Variants in OXR1 observed in about 807,000 individuals in gnomAD.
OXR1 encodes the protein oxidation resistance protein 1.
OXR1 carries 41 observed loss-of-function variants against 104.6 expected under a neutral mutation model. The ratio of observed to expected loss-of-function variants is 0.39; its 90% CI spans 0.31 to 0.51. The LOEUF is 0.51. Among genes scored for constraint, OXR1 ranks in the 20% least tolerant of loss-of-function variants. The probability of loss-of-function intolerance (pLI) is 0.77; values close to 1 mark genes in which losing one functional copy is unlikely to be tolerated. For synonymous variants in OXR1, 348 were observed against 348.4 expected, an observed-to-expected ratio of 1.00 and a Z score of 0.01; for missense variants, 955 against 1,031.9, an observed-to-expected ratio of 0.93 and a Z score of 1.02.
intron 2 of OXR1, among the ~76,000 whole-genome samples, chr8:106,501,047 A>C (rs1310614213): frequency 6.6e-6 from 1 of 152,218 alleles, no homozygotes; most frequent in African/African-American, 2.4e-5. Flanking sequence ...AGTTGAGACC[A>C]GCATGACAAA....
chr8:106,594,875 A>G (rs13270531), intron 3 of OXR1, among the ~76,000 whole-genome samples: 1 of 152,194 alleles, frequency 6.6e-6, no homozygotes, highest in Admixed American at 6.5e-5. Context: ...TCAGAGGGAA[A>G]TTGGCAGGGG....
chr8:106,288,469 C>G (rs981593453), intron 1 of OXR1, among the ~76,000 whole-genome samples: 1 of 151,188 alleles, frequency 6.6e-6, no homozygotes, highest in East Asian at 1.9e-4. Context: ...CAGAATTGAT[C>G]GGAATTGATT....
At chr8:106,483,343 A>G (rs1418410489) in intron 2 of OXR1, among the ~76,000 whole-genome samples, 2 of 151,788 alleles carry the variant, frequency 1.3e-5, no homozygotes, top group African/African-American at 4.8e-5. Flanking sequence ...AACATGATTG[A>G]ATTTAGAAAG....
chr8:106,458,038 T>C (rs56051148), intron 2 of OXR1, among the ~76,000 whole-genome samples: 16,848 of 152,080 alleles, frequency 0.11, 3,162 homozygotes, highest in African/African-American at 0.39. Context: ...TCAGCCTGGC[T>C]GCATAAAGAA....
chr8:106,749,765 G>A (rs1835719719), intron 16 of OXR1, among the ~76,000 whole-genome samples: 1 of 152,112 alleles, frequency 6.6e-6, no homozygotes, highest in Non-Finnish European at 1.5e-5. Context: ...TTAATTAATA[G>A]TCTTTGCCCC....
chr8:106,322,086 C>T (rs770280002), intron 1 of OXR1, among the ~76,000 whole-genome samples: 4 of 152,146 alleles, frequency 2.6e-5, no homozygotes, highest in Non-Finnish European at 5.9e-5. Flanking sequence ...ACAAGAGGGG[C>T]ATTGCTTTTG....
intron 1 of OXR1, among the ~76,000 whole-genome samples, chr8:106,280,089 G>T (rs574643519): frequency 1.3e-5 from 2 of 152,272 alleles, no homozygotes; most frequent in East Asian, 3.9e-4. Context: ...TACTGGAAGA[G>T]GGGAATAAAT....
chr8:106,367,687 TA>T (rs1256715816), intron 2 of OXR1, among the ~76,000 whole-genome samples: 1 of 152,066 alleles, frequency 6.6e-6, no homozygotes, highest in Non-Finnish European at 1.5e-5. Context: ...CAGATATAGA[TA>T]AAAAATATGT....
At chr8:106,315,068 C>T (rs187979920) in intron 1 of OXR1, among the ~76,000 whole-genome samples, 44 of 151,342 alleles carry the variant, frequency 2.9e-4, no homozygotes, top group African/African-American at 9.2e-4. Flanking sequence ...GTCGAGTGGG[C>T]GTTTATTTGA....
intron 2 of OXR1, among the ~76,000 whole-genome samples, chr8:106,382,160 T>C (rs1371676762): frequency 6.6e-6 from 1 of 152,206 alleles, no homozygotes. Flanking sequence ...TAGCTCTGTG[T>C]CCTTGGTCAA....
intron 10 of OXR1, among the ~76,000 whole-genome samples, chr8:106,713,074 TTAAATA>T (rs1456556363): frequency 6.6e-6 from 1 of 151,986 alleles, no homozygotes; most frequent in Non-Finnish European, 1.5e-5. Flanking sequence ...GTAGCACCTT[TTAAATA>T]TGTTAGCTGC....
At chr8:106,491,200 A>G (rs900973900) in intron 2 of OXR1, among the ~76,000 whole-genome samples, 3 of 152,182 alleles carry the variant, frequency 2.0e-5, no homozygotes, top group African/African-American at 7.2e-5. Flanking sequence ...TGCCAATCTT[A>G]CTTAGATACT....
intron 1 of OXR1, among the ~76,000 whole-genome samples, chr8:106,336,586 T>A (rs2134630): frequency 0.23 from 34,409 of 152,196 alleles, 5,699 homozygotes; most frequent in African/African-American, 0.47. Context: ...AATCAAATTA[T>A]GTTACCCGTC....
rs201925603 is a variant in OXR1, at chr8:106,713,924, A to T, written c.1895A>T (p.Lys632Met). The T allele has an allele frequency of 1.3e-6, 2 of 1,597,244 alleles. No individual in the cohort carries two copies. The highest frequency in any genetic ancestry group is 1.1e-5 in the South Asian group (1 of 87,610). Residue 632 changes from lysine to methionine, a missense_variant, in exon 11 of 17, where the codon AAG (lysine) becomes ATG (methionine). Lys to Met is a moderately conservative substitution (Grantham distance 95, BLOSUM62 -1). Around this residue, in one of 2 missense-constraint regions of OXR1, gnomAD observed 849 missense variants for 852.9 expected, o/e 1.00. Transcript: ENST00000517566. ...TREPGFIVVK[K>M]IEESETIEDS... is the part of the protein sequence containing the mutation. ...GAACCTGGATTTATAGTAGTAAAAA[A>T]GATTGAGGAGTCTGAAACAATTGAG...
intron 2 of OXR1, among the ~76,000 whole-genome samples, chr8:106,397,110 C>T (rs1386586842): frequency 6.6e-6 from 1 of 152,038 alleles, no homozygotes; most frequent in Non-Finnish European, 1.5e-5. Context: ...CTTGGTGATA[C>T]TGATTGCCTT....
chr8:106,342,851 C>A (rs890747501), intron 1 of OXR1, among the ~76,000 whole-genome samples: 1 of 152,218 alleles, frequency 6.6e-6, no homozygotes, highest in Non-Finnish European at 1.5e-5. Flanking sequence ...TACAGGCAAA[C>A]TGCTGCTGTA....
At chr8:106,546,130 C>T (rs1815338988) in intron 3 of OXR1, among the ~76,000 whole-genome samples, 1 of 152,096 alleles carries the variant, frequency 6.6e-6, no homozygotes, top group Non-Finnish European at 1.5e-5. Flanking sequence ...CTCATTCTAC[C>T]CGAGAGTCTG....
chr8:106,717,476 T>TA (rs1158135051), intron 11 of OXR1, among the ~76,000 whole-genome samples: 1 of 152,190 alleles, frequency 6.6e-6, no homozygotes, highest in Non-Finnish European at 1.5e-5. Flanking sequence ...TATTCTGCTT[T>TA]AGTGATACTT....
chr8:106,609,957 A>T (rs1820692337), intron 3 of OXR1, among the ~76,000 whole-genome samples: 1 of 152,182 alleles, frequency 6.6e-6, no homozygotes, highest in Admixed American at 6.5e-5. Context: ...CCTAAACGAT[A>T]TCAGTTCACA....
Sources: gnomAD v4.1 joint callset for allele counts (sites outside exome capture counted in the v4.1 genomes callset) on GRCh38, gnomAD v4.1.1 for gene constraint, gnomAD v4.1.1 regional missense constraint, MANE v1.5 for transcripts, NCBI Gene and HGNC (gene_info 2026-07-23, HGNC 2026-07-21) for gene names.